KMT2C: variants seen among roughly 807,000 people sequenced by gnomAD.
The protein encoded by KMT2C is histone-lysine N-methyltransferase 2C.
Under a neutral mutation model 507.9 loss-of-function variants are expected in KMT2C, and 88 were observed. That is an observed-to-expected ratio of 0.17 (90% CI 0.15 to 0.21). The LOEUF is 0.21. Ranked by LOEUF, KMT2C falls within the 10% of genes least tolerant of loss-of-function variation. The pLI is 1.00. For missense variants in KMT2C, 4,954 were observed against 5,957.8 expected (o/e 0.83, Z 5.55); for synonymous variants, 2,049 against 2,080.8 (o/e 0.98, Z 0.42).
At chr7:152,328,483 G>A (rs1347307699) in intron 3 of KMT2C, among the ~76,000 whole-genome samples, 1 of 152,180 alleles carries the variant, frequency 6.6e-6, no homozygotes, top group East Asian at 1.9e-4. Flanking sequence ...TGAGAGCACA[G>A]TGAGTGACAA....
intron 6 of KMT2C, among the ~76,000 whole-genome samples, chr7:152,290,286 A>ATTTTTTTTTTTTTT (rs2096400174): frequency 3.0e-5 from 1 of 33,828 alleles, no homozygotes; most frequent in East Asian, 8.6e-4. Context: ...ATATATATAT[A>ATTTTTTTTTTTTTT]TATATATATT....
intron 23 of KMT2C, among the ~76,000 whole-genome samples, chr7:152,213,114 G>A (rs949800960): frequency 6.6e-6 from 1 of 152,208 alleles, no homozygotes; most frequent in East Asian, 1.9e-4. Flanking sequence ...TAGATTGGAA[G>A]AATATTGTTA....
At chr7:152,330,235 A>G (rs532046613) in intron 3 of KMT2C, among the ~76,000 whole-genome samples, 490 of 152,024 alleles carry the variant, frequency 3.2e-3, no homozygotes, top group Non-Finnish European at 4.0e-3. Context: ...TTTTTAATGA[A>G]TGGGGAGAAG....
intron 6 of KMT2C, among the ~76,000 whole-genome samples, chr7:152,288,825 T>C (rs2096354614): frequency 6.6e-6 from 1 of 152,164 alleles, no homozygotes; most frequent in Non-Finnish European, 1.5e-5. Context: ...GAAAAACAAC[T>C]CAAATGACAG....
chr7:152,252,099 A>G lies in KMT2C; in HGVS notation c.1470-9T>C, dbSNP rs769491726. On this transcript the variant is annotated splice_polypyrimidine_tract_variant and intron_variant, in intron 10 of 58. Transcript: ENST00000262189. ...ACTCTAGGTGAACCCACCTGCAGTG[A>G]TAAGTATACTTAAATAAAAATTTCT... 12 of 1,571,748 alleles carry G rather than the reference A, an allele frequency of 7.6e-6. No homozygotes were observed. Among genetic ancestry groups the G allele is most frequent in the Admixed American group, 7.3e-5 (4 of 54,670 alleles).
At chr7:152,354,948 A>G (rs146615170) in intron 2 of KMT2C, among the ~76,000 whole-genome samples, 2 of 152,318 alleles carry the variant, frequency 1.3e-5, no homozygotes, top group East Asian at 3.9e-4. Context: ...CACTCTGGCT[A>G]CTATGTGTGG....
chr7:152,380,247 A>C (rs112610919), intron 1 of KMT2C, among the ~76,000 whole-genome samples: 1,976 of 144,898 alleles, frequency 0.014, 42 homozygotes, highest in African/African-American at 0.048. Flanking sequence ...CTCCAAAAAA[A>C]AAAACAAAAC....
chr7:152,163,485 T>G lies in KMT2C; in HGVS notation c.10092A>C (p.Thr3364=), dbSNP rs112548125. 3 of 1,613,890 alleles carry G rather than the reference T, an allele frequency of 1.9e-6. No individual in the cohort carries two copies. In the African/African-American group the frequency reaches 4.0e-5, roughly 22 times the overall value. Residue 3364 remains threonine (T), a synonymous_variant, in exon 43 of 59, where the codon ACA becomes ACC. Transcript: ENST00000262189. The part of the protein sequence containing the change: ...PIAQLPIKTC[T]PAPGTVSNAN... ...CATTTGAGACTGTCCCTGGGGCTGG[T>G]GTACAAGTTTTTATTGGTAACTGGG... is the stretch of plus-strand genomic sequence containing the variant.
Position 152,435,756 on chromosome 7 carries a change from G to A in KMT2C, c.31C>T (p.Gln11Ter), listed in dbSNP as rs2116821988. The A allele has an allele frequency of 6.6e-7, 1 of 1,511,236 alleles. No individual in the cohort carries two copies. The highest frequency in any genetic ancestry group is 8.9e-7 in the Non-Finnish European group (1 of 1,127,292). 93.6% of individuals were successfully genotyped at this position (1,511,236 alleles called of 1,614,324 possible). A position where few individuals can be genotyped will look rare whatever the true frequency, so the allele number is the denominator to read the frequency against. Residue 11 changes from glutamine (Q) to a stop codon, truncating the protein, a stop_gained, in exon 1 of 59, where the codon CAG becomes TAG. Coordinates refer to ENST00000262189, the MANE Select transcript of KMT2C (RefSeq NM_170606.3). LOFTEE classifies it high-confidence loss of function. MSSEEDKSVE[Q>*]PQPPPPPPEE... is the part of the protein sequence containing the mutation. ...GGGGGTGGTGGCGGCGGCTGCGGCT[G>A]CTCCACGCTCTTGTCCTCCTCCGAC...
At chr7:152,202,629 T>C (rs2094181578) in intron 26 of KMT2C, among the ~76,000 whole-genome samples, 1 of 152,182 alleles carries the variant, frequency 6.6e-6, no homozygotes, top group Non-Finnish European at 1.5e-5. Context: ...GGGGTATACA[T>C]AGCTATCAAT....
chr7:152,319,694 G>T (rs2096754486), intron 3 of KMT2C, among the ~76,000 whole-genome samples: 1 of 152,112 alleles, frequency 6.6e-6, no homozygotes, highest in Non-Finnish European at 1.5e-5. Context: ...GTGCTGCAGT[G>T]GTCACGCTCC....
In KMT2C at chr7:152,353,229, C is replaced by T. The variant is rs574354028; in HGVS notation, c.250+5358G>A. Among the ~76,000 whole-genome samples, 3 of 152,100 alleles carry T rather than the reference C, an allele frequency of 2.0e-5. No homozygotes were observed. In the East Asian group the frequency reaches 5.8e-4, roughly 30 times the overall value. On this transcript the variant is annotated intron_variant, in intron 2 of 58. Coordinates refer to ENST00000262189, the MANE Select transcript of KMT2C (RefSeq NM_170606.3). ...CACGAGGTCAGGAGTTCAAGACCAG[C>T]CTGGCAAAGATGGTGAAACCCAGTC...
intron 7 of KMT2C, among the ~76,000 whole-genome samples, chr7:152,268,484 CTT>C (rs2095899037): frequency 6.6e-6 from 1 of 152,122 alleles, no homozygotes; most frequent in Non-Finnish European, 1.5e-5. Flanking sequence ...TGAATCAAGT[CTT>C]ATTGAACATA....
intron 1 of KMT2C, among the ~76,000 whole-genome samples, chr7:152,424,507 C>T (rs142447022): frequency 1.1e-3 from 167 of 152,260 alleles, no homozygotes; most frequent in Non-Finnish European, 2.0e-3. Flanking sequence ...ACTGCAGCCT[C>T]ACCCTCCTGG....
rs2129114199 is a variant in KMT2C at position 152,177,097 on chromosome 7, C to T, written c.8356G>A (p.Asp2786Asn). Residue 2786 changes from aspartate (D) to asparagine (N), a missense_variant, in exon 38 of 59, where the codon GAT (aspartate) becomes AAT (asparagine). Physicochemically the swap from Asp to Asn is conservative, Grantham distance 23. This residue lies in a region of KMT2C where 1,689 missense variants were observed against 1,654.3 expected (regional missense o/e 1.02). Transcript: ENST00000262189. Reference sequence around the variant, plus strand: ...GGTTCAACAGATACACACTGATTATCTAACTTATCATCAATTGGAAGGTCT... The same window carrying T: ...GGTTCAACAGATACACACTGATTATTTAACTTATCATCAATTGGAAGGTCT... ...ELDLPIDDKLDNQCVSVEPKK... is the reference protein window; with the variant it reads ...ELDLPIDDKLNNQCVSVEPKK... 2 of 1,612,648 alleles carry T rather than the reference C, an allele frequency of 1.2e-6. No individual in the cohort carries two copies. The highest frequency in any genetic ancestry group is 1.7e-6 in the Non-Finnish European group (2 of 1,179,410).
chr7:152,307,892 C>A (rs1328483020), intron 6 of KMT2C, among the ~76,000 whole-genome samples: 2 of 152,164 alleles, frequency 1.3e-5, no homozygotes, highest in African/African-American at 4.8e-5. Flanking sequence ...TGGTTCTAAT[C>A]CACCACCAAA....
At chr7:152,240,147 C>T (rs1213542010) in intron 14 of KMT2C, among the ~76,000 whole-genome samples, 3 of 152,196 alleles carry the variant, frequency 2.0e-5, no homozygotes, top group African/African-American at 7.2e-5. Context: ...TAACCTAGCT[C>T]AGGTAATCAC....
Position 152,183,007 on chromosome 7 carries a change from T to G in KMT2C, c.5232A>C (p.Glu1744Asp). 2 of 1,605,278 alleles carry G rather than the reference T, an allele frequency of 1.2e-6. No individual in the cohort carries two copies. The highest frequency in any genetic ancestry group is 1.7e-6 in the Non-Finnish European group (2 of 1,177,674). ...ATTTCCATTCCTGTTCATGTTCTGA[T>G]TCTCTTTGCTTTAAAGGATCTTTAA... ...ELFKDPLKQRESEHEQEWKFR... is the reference protein window; with the variant it reads ...ELFKDPLKQRDSEHEQEWKFR... Residue 1744 changes from glutamate (E) to aspartate (D), a missense_variant, in exon 35 of 59, where the codon GAA (glutamate) becomes GAC (aspartate). Physicochemically the swap from Glu to Asp is conservative, Grantham distance 45. Around this residue, in one of 29 missense-constraint regions of KMT2C, gnomAD observed 58 missense variants for 63.3 expected, o/e 0.92. Coordinates refer to ENST00000262189, the MANE Select transcript of KMT2C (RefSeq NM_170606.3).
Position 152,409,400 on chromosome 7 carries a change from T to A in KMT2C, c.161+26226A>T, listed in dbSNP as rs534517030. 2.0e-4 allele frequency among the ~76,000 whole-genome samples: 30 copies of A among 151,442 alleles called. No homozygotes were observed. In the East Asian group the frequency reaches 5.3e-3, roughly 27 times the overall value. ...ATGTAATTAAATTCTGGTAATCAGA[T>A]TTTCAGAAGAAATATGTTAAAATGC... On this transcript the variant is annotated intron_variant, in intron 1 of 58. Coordinates refer to ENST00000262189, the MANE Select transcript of KMT2C (RefSeq NM_170606.3).
Sources: gnomAD v4.1 joint callset for allele counts (sites outside exome capture counted in the v4.1 genomes callset) on GRCh38, gnomAD v4.1.1 for gene constraint, gnomAD v4.1.1 regional missense constraint, MANE v1.5 for transcripts, NCBI Gene and HGNC (gene_info 2026-07-23, HGNC 2026-07-21) for gene names.